Variants in APC2 observed in about 807,000 individuals in gnomAD.
The protein encoded by APC2 is adenomatous polyposis coli protein 2.
A neutral mutation model predicts 72.5 loss-of-function variants in APC2; 41 were observed. The ratio of observed to expected loss-of-function variants is 0.57; its 90% CI spans 0.44 to 0.73. The LOEUF (loss-of-function observed/expected upper bound fraction) is 0.73, where lower values mean the gene tolerates loss of function less well. Ranked by LOEUF, APC2 falls within the 30% of genes least tolerant of loss-of-function variation. The pLI is 0.00. For synonymous variants in APC2, 1,898 were observed against 1,612.0 expected (o/e 1.18, Z -4.25); for missense variants, 3,729 against 3,403.4 (o/e 1.10, Z -2.38).
chr19:1,466,205 C>G lies in APC2; in HGVS notation c.2904C>G (p.Asp968Glu). The G allele has an allele frequency of 6.4e-7, 1 of 1,558,462 alleles. No individual in the cohort carries two copies. The highest frequency in any genetic ancestry group is 1.2e-5 in the South Asian group (1 of 86,042). The change falls in exon 15 of 15, where the codon GAC (aspartate) becomes GAG (glutamate). Residue 968 changes from aspartate to glutamate, a missense_variant. Physicochemically the swap from Asp to Glu is conservative, Grantham distance 45. Transcript: ENST00000590469. ...GGCAGCCTCGGCCCAGCCGGCTTGA[C>G]CTTGACCTGCCCGGCTGCCAGGCCG... is the stretch of plus-strand genomic sequence containing the variant. ...RCGQPRPSRL[D>E]LDLPGCQAEP...
intron 4 of APC2, among the ~76,000 whole-genome samples, 159 bp from the exon 5 acceptor site, chr19:1,454,990 C>G (rs1599134451): frequency 2.9e-5 from 4 of 140,148 alleles, no homozygotes; most frequent in South Asian, 5.5e-4. Flanking sequence ...ATACCCACCC[C>G]CCCCCCCTTA....
chr19:1,462,239 G>A (rs1451304990), intron 14 of APC2, 62 bp downstream of exon 14: 2 of 1,444,616 alleles, frequency 1.4e-6, no homozygotes, highest in African/African-American at 1.4e-5. Flanking sequence ...ACAGGGCTGG[G>A]CTGGGCACTG....
At chr19:1,450,874 G>A (rs2145174644) in intron 1 of APC2, among the ~76,000 whole-genome samples, 1 of 152,324 alleles carries the variant, frequency 6.6e-6, no homozygotes, top group South Asian at 2.1e-4. Flanking sequence ...TGTGTGGGAT[G>A]GCAGGACTTA....
In APC2 at chr19:1,465,197, G is replaced by C. The variant is rs772310263; in HGVS notation, c.1896G>C (p.Gln632His). Residue 632 changes from glutamine (Q) to histidine (H), a missense_variant, in exon 15 of 15, where the codon CAG becomes CAC. Transcript: ENST00000590469. ...ACAACTGTCTGCAGACGCTGCTGCA[G>C]CATCTGACTTCGCACAGCCTGACCA... Reference protein sequence around the residue: ...RDHNCLQTLLQHLTSHSLTIV... With the variant: ...RDHNCLQTLLHHLTSHSLTIV... 2 of 1,608,740 alleles carry C rather than the reference G, an allele frequency of 1.2e-6. No individual in the cohort carries two copies. The highest frequency in any genetic ancestry group is 2.2e-5 in the South Asian group (2 of 90,304).
At position 1,470,419 on chromosome 19, in the gene APC2, A is replaced by G. The variant is rs1189882940; in HGVS notation, c.*206A>G. ...TGCCTCTGTGCCGCGGAGGTCCAGG[A>G]GGAAACGGGGCGGCCGCTAGGCCTC... is the stretch of plus-strand genomic sequence containing the variant. On this transcript the variant is annotated 3_prime_UTR_variant, in exon 15 of 15. Transcript: ENST00000590469. The G allele has an allele frequency of 2.6e-6, 2 of 755,070 alleles. No homozygotes were observed. Among genetic ancestry groups the G allele is most frequent in the East Asian group, 3.3e-5 (1 of 30,030 alleles). 46.8% of individuals were successfully genotyped at this position (755,070 alleles called of 1,614,324 possible). A position where few individuals can be genotyped will look rare whatever the true frequency, so the allele number is the denominator to read the frequency against.
rs1352165550 is a variant in APC2, at chr19:1,462,839, T to C, written c.1853+662T>C. Among the ~76,000 whole-genome samples, 4 of 147,888 alleles carry C rather than the reference T, an allele frequency of 2.7e-5. No homozygotes were observed. The East Asian group carries it at 6.1e-4, about 23-fold the overall frequency. The stretch of plus-strand genomic sequence containing the variant: ...ACAAAAAATTAGCTGGGCATGGTGG[T>C]GGGTGCCTGTAGTCCCAGCTACTCA... On this transcript the variant is annotated intron_variant, in intron 14 of 14. Transcript: ENST00000590469.
intron 14 of APC2, 116 bp downstream of exon 14, chr19:1,462,293 T>G: frequency 1.1e-6 from 1 of 948,776 alleles, no homozygotes; most frequent in Non-Finnish European, 1.5e-6. Flanking sequence ...CAGGGGCTGC[T>G]GTTTGCAGCA....
At position 1,460,195 on chromosome 19, in the gene APC2, G is replaced by A. The variant is rs769320574; in HGVS notation, c.1318G>A (p.Val440Met). 44 of 1,613,280 alleles carry A rather than the reference G, an allele frequency of 2.7e-5. No homozygotes were observed. Among genetic ancestry groups the A allele is most frequent in the Non-Finnish European group, 3.1e-5 (37 of 1,180,016 alleles). The change falls in exon 11 of 15, where the codon GTG becomes ATG. Residue 440 changes from valine (V) to methionine (M), a missense_variant. Physicochemically the swap from Val to Met is conservative, Grantham distance 21. Coordinates refer to ENST00000590469, the MANE Select transcript of APC2 (RefSeq NM_005883.3). ...GGTCCTCACAGGTGGGCTGCAGGCC[G>A]TGGCAGAGCTGCTGCAGGTTGACTA... ...AMNELGGLQAVAELLQVDYEM... is the reference protein window; with the variant it reads ...AMNELGGLQAMAELLQVDYEM...
intron 11 of APC2, among the ~76,000 whole-genome samples, 174 bp downstream of exon 11, chr19:1,460,494 C>T (rs372977365): frequency 5.6e-4 from 86 of 152,354 alleles, no homozygotes; most frequent in African/African-American, 1.9e-3. Flanking sequence ...GACGGGAGCG[C>T]GTGCTGAACC....
chr19:1,450,186 C>G lies in APC2; in HGVS notation c.-171C>G. The stretch of plus-strand genomic sequence containing the variant: ...GCCCAGGCCCGGACCGGGCTTTGTC[C>G]GCCCCGGAGCCCCTGCCCGCGCCGC... On this transcript the variant is annotated 5_prime_UTR_variant, in exon 1 of 15. Transcript: ENST00000590469. 1.0e-6 allele frequency: 1 copy of G among 985,360 alleles called. No homozygotes were observed. The highest frequency in any genetic ancestry group is 6.1e-5 in the Admixed American group (1 of 16,280). 61.0% of individuals were successfully genotyped at this position (985,360 alleles called of 1,614,324 possible).
rs546675727 is a variant in APC2, at chr19:1,470,452, G to A, written c.*239G>A. ...GGGCGGCCGCTAGGCCTCAAGTCCC[G>A]ACCGTGGAGCGCTGGCAAGGGCGTC... On this transcript the variant is annotated 3_prime_UTR_variant, in exon 15 of 15. Coordinates refer to ENST00000590469, the MANE Select transcript of APC2 (RefSeq NM_005883.3). 276 of 570,790 alleles carry A rather than the reference G, an allele frequency of 4.8e-4. No homozygotes were observed. The African/African-American group carries it at 5.1e-3, about 10-fold the overall frequency. The allele number at this position is 570,790 out of a possible 1,614,324, so 35.4% of individuals were successfully genotyped here.
In APC2 at chr19:1,468,287, A is replaced by C. The variant is rs1177764549; in HGVS notation, c.4986A>C (p.Ala1662=). The C allele has an allele frequency of 1.3e-6, 2 of 1,538,482 alleles. No individual in the cohort carries two copies. The highest frequency in any genetic ancestry group is 8.7e-7 in the Non-Finnish European group (1 of 1,143,638). Residue 1662 remains alanine, a synonymous_variant, in exon 15 of 15, where the codon GCA becomes GCC. Transcript: ENST00000590469. ...CCACCCGGCTGGATGAGCGGCCCGC[A>C]GAGGGGTCCCGGGAACGCGGCGAGG... ...PRATRLDERP[A]EGSRERGEEA...
Position 1,468,987 on chromosome 19 carries a change from G to A in APC2, c.5686G>A (p.Ala1896Thr). The A allele has an allele frequency of 6.4e-7, 1 of 1,559,950 alleles. No homozygotes were observed. The highest frequency in any genetic ancestry group is 8.6e-7 in the Non-Finnish European group (1 of 1,157,968). ...LPRKRPPVTQ[A>T]AGALPGPGAS... The stretch of plus-strand genomic sequence containing the variant: ...CAGAAAGCGCCCCCCGGTCACCCAG[G>A]CTGCTGGGGCCCTGCCCGGCCCCGG... The change falls in exon 15 of 15, where the codon GCT (alanine) becomes ACT (threonine). Residue 1896 changes from alanine to threonine, a missense_variant. By Grantham distance (58) the Ala-to-Thr change is moderately conservative. Transcript: ENST00000590469.
chr19:1,466,620 G>C lies in APC2; in HGVS notation c.3319G>C (p.Glu1107Gln), dbSNP rs755873166. 1.3e-6 allele frequency: 2 copies of C among 1,523,894 alleles called. No individual in the cohort carries two copies. The highest frequency in any genetic ancestry group is 1.4e-5 in the African/African-American group (1 of 73,326). 94.4% of individuals were successfully genotyped at this position (1,523,894 alleles called of 1,614,324 possible). ...LEGLEEAGPS[E>Q]AELDSTWRAP... is the part of the protein sequence containing the mutation. The stretch of plus-strand genomic sequence containing the variant: ...GGGGCTGGAGGAGGCCGGCCCCAGC[G>C]AGGCTGAGCTGGACAGCACGTGGCG... Residue 1107 changes from glutamate (E) to glutamine (Q), a missense_variant, in exon 15 of 15, where the codon GAG (glutamate) becomes CAG (glutamine). Transcript: ENST00000590469.
rs561835886 is a variant in APC2, at chr19:1,469,047, C to T, written c.5746C>T (p.Leu1916Phe). 6.5e-7 allele frequency: 1 copy of T among 1,538,652 alleles called. No individual in the cohort carries two copies. Among genetic ancestry groups the T allele is most frequent in the Non-Finnish European group, 8.7e-7 (1 of 1,144,410 alleles). Residue 1916 changes from leucine (L) to phenylalanine (F), a missense_variant, in exon 15 of 15, where the codon CTT (leucine) becomes TTT (phenylalanine). Coordinates refer to ENST00000590469, the MANE Select transcript of APC2 (RefSeq NM_005883.3). Reference protein sequence around the residue: ...SPVPKTPARTLLAKQHKTQRS... With the variant: ...SPVPKTPARTFLAKQHKTQRS... ...GGTGCCCAAAACGCCGGCGCGCACC[C>T]TTCTGGCGAAGCAGCACAAGACGCA...
Position 1,457,171 on chromosome 19 carries a change from G to A in APC2, c.1135G>A (p.Ala379Thr), listed in dbSNP as rs1299502285. The A allele has an allele frequency of 1.9e-6, 3 of 1,580,446 alleles. No homozygotes were observed. Among genetic ancestry groups the A allele is most frequent in the Admixed American group, 3.6e-5 (2 of 55,668 alleles). ...CCTGCACGTGCTGGAGCAGATCCGG[G>A]CCTACTGCGAGACCTGCTGGGACTG... is the stretch of plus-strand genomic sequence containing the variant. ...RVLHVLEQIR[A>T]YCETCWDWLQ... Residue 379 changes from alanine (A) to threonine (T), a missense_variant, in exon 9 of 15, where the codon GCC (alanine) becomes ACC (threonine). Ala to Thr is a moderately conservative substitution (Grantham distance 58). Transcript: ENST00000590469.
chr19:1,468,047 CG>C lies in APC2; in HGVS notation c.4747del (p.Ala1583ProfsTer211). 1 of 1,578,520 alleles carries C rather than the reference CG, an allele frequency of 6.3e-7. No individual in the cohort carries two copies. Among genetic ancestry groups the C allele is most frequent in the South Asian group, 1.1e-5 (1 of 88,792 alleles). ...TPPCYSLSSS[A>X]SSLSEPEPSE... ...CGCCCTGCTACTCCCTGAGCTCCTC[CG>C]CCAGCTCCCTCAGCGAGCCCGAGCC... On this transcript the variant is annotated frameshift_variant, in exon 15 of 15. Transcript: ENST00000590469. LOFTEE classifies it low-confidence loss of function (END_TRUNC).
At chr19:1,450,490 T>C (rs967015212) in intron 1 of APC2, among the ~76,000 whole-genome samples, 152 bp downstream of exon 1, 4 of 152,218 alleles carry the variant, frequency 2.6e-5, no homozygotes, top group African/African-American at 9.6e-5. Context: ...CCCGGTGAGC[T>C]GGGCGTCAGC....
At position 1,456,933 on chromosome 19, in the gene APC2, C is replaced by T. The variant is rs1200778002; in HGVS notation, c.897C>T (p.Ser299=). ...EDTARTLLAM[S]SSPESCVAMR... The stretch of plus-strand genomic sequence containing the variant: ...CAGCGCGCACGCTGCTGGCCATGTC[C>T]AGCTCGCCCGAGAGCTGCGTGGCCA... Residue 299 remains serine, a synonymous_variant, in exon 9 of 15, where the codon TCC becomes TCT. Transcript: ENST00000590469. 1 of 1,561,086 alleles carries T rather than the reference C, an allele frequency of 6.4e-7. No homozygotes were observed.
Sources: gnomAD v4.1 joint callset for allele counts (sites outside exome capture counted in the v4.1 genomes callset) on GRCh38, gnomAD v4.1.1 for gene constraint, MANE v1.5 for transcripts, NCBI Gene and HGNC (gene_info 2026-07-23, HGNC 2026-07-21) for gene names.